Variants in DLC1 observed in about 807,000 individuals in gnomAD.
DLC1 encodes DLC1 Rho GTPase activating protein.
DLC1 carries 54 observed loss-of-function variants against 140.3 expected under a neutral mutation model. The observed-to-expected ratio is 0.38, with a 90% CI of 0.31 to 0.48. The LOEUF (loss-of-function observed/expected upper bound fraction) is 0.48. DLC1 is among the 20% of genes least tolerant of loss of function. The pLI, the probability that DLC1 is intolerant of heterozygous loss-of-function variation, is 0.96. For missense variants in DLC1, 2,536 were observed against 1,907.0 expected (o/e 1.33, Z -6.14); for synonymous variants, 986 against 728.1 (o/e 1.35, Z -5.70).
chr8:13,550,636 A>G (rs534651349), intron 1 of DLC1, among the ~76,000 whole-genome samples: 114 of 152,302 alleles, frequency 7.5e-4, no homozygotes, highest in African/African-American at 2.6e-3. Context: ...AAAACAAAAT[A>G]TCATTATGTA....
At chr8:13,528,125 A>C (rs919277791) in intron 1 of DLC1, among the ~76,000 whole-genome samples, 1 of 152,130 alleles carries the variant, frequency 6.6e-6, no homozygotes, top group African/African-American at 2.4e-5. Context: ...ATAAGAATCA[A>C]GGAATACAAC....
intron 5 of DLC1, among the ~76,000 whole-genome samples, chr8:13,296,930 A>G (rs1234387253): frequency 4.6e-5 from 7 of 152,036 alleles, no homozygotes; most frequent in Admixed American, 3.9e-4. Flanking sequence ...AATATAATTG[A>G]GAGGAAAAGA....
chr8:13,143,389 TAAAC>T (rs1391104764), intron 5 of DLC1, among the ~76,000 whole-genome samples: 1 of 152,204 alleles, frequency 6.6e-6, no homozygotes, highest in Non-Finnish European at 1.5e-5. Context: ...TGACTTTTAA[TAAAC>T]AAAATATGAC....
At chr8:13,202,929 C>T (rs1250857637) in intron 5 of DLC1, among the ~76,000 whole-genome samples, 4 of 152,148 alleles carry the variant, frequency 2.6e-5, no homozygotes, top group Non-Finnish European at 4.4e-5. Context: ...CCGCCTCAGC[C>T]TCCCAAAATG....
chr8:13,427,398 C>G (rs1838641425), intron 2 of DLC1, among the ~76,000 whole-genome samples: 1 of 152,204 alleles, frequency 6.6e-6, no homozygotes, highest in African/African-American at 2.4e-5. Context: ...TTCTCCTTTC[C>G]TTGACCCTGC....
At chr8:13,179,438 T>C (rs1289438233) in intron 5 of DLC1, among the ~76,000 whole-genome samples, 2 of 152,194 alleles carry the variant, frequency 1.3e-5, no homozygotes, top group African/African-American at 2.4e-5. Context: ...AAAGAATTAA[T>C]GGCTGATTGC....
intron 1 of DLC1, among the ~76,000 whole-genome samples, chr8:13,549,349 C>T (rs1274679632): frequency 6.6e-6 from 1 of 151,856 alleles, no homozygotes; most frequent in Non-Finnish European, 1.5e-5. Flanking sequence ...GCTCATTATC[C>T]CAAGGAAAAC....
chr8:13,457,763 A>G (rs1799475937), intron 2 of DLC1, among the ~76,000 whole-genome samples: 1 of 151,800 alleles, frequency 6.6e-6, no homozygotes, highest in African/African-American at 2.4e-5. Context: ...CAATGATGCA[A>G]TTTAGCAGCC....
At chr8:13,488,226 A>G (rs765366860) in intron 2 of DLC1, among the ~76,000 whole-genome samples, 1 of 152,220 alleles carries the variant, frequency 6.6e-6, no homozygotes, top group Non-Finnish European at 1.5e-5. Flanking sequence ...GGAATTGAGA[A>G]TTAGTGGGAA....
At chr8:13,263,343 AG>A (rs1830542418) in intron 5 of DLC1, among the ~76,000 whole-genome samples, 1 of 152,058 alleles carries the variant, frequency 6.6e-6, no homozygotes, top group Admixed American at 6.6e-5. Context: ...TCCTATCCTC[AG>A]CACCTACCTC....
intron 2 of DLC1, among the ~76,000 whole-genome samples, chr8:13,435,006 A>T (rs915782253): frequency 6.6e-6 from 1 of 152,098 alleles, no homozygotes; most frequent in African/African-American, 2.4e-5. Flanking sequence ...TAAGAAATAC[A>T]TTTTGTAAGG....
chr8:13,269,839 C>T (rs1019322421), intron 5 of DLC1, among the ~76,000 whole-genome samples: 13 of 150,590 alleles, frequency 8.6e-5, no homozygotes, highest in African/African-American at 7.3e-5. Flanking sequence ...AGGCGGATCA[C>T]GAGGTCGGGA....
At chr8:13,144,359 G>A (rs1019402777) in intron 5 of DLC1, among the ~76,000 whole-genome samples, 1 of 152,182 alleles carries the variant, frequency 6.6e-6, no homozygotes, top group African/African-American at 2.4e-5. Flanking sequence ...TTGGTTCTGA[G>A]GTTCTGGACT....
chr8:13,512,608 C>T (rs1196228699), intron 1 of DLC1, among the ~76,000 whole-genome samples: 1 of 152,008 alleles, frequency 6.6e-6, no homozygotes, highest in Non-Finnish European at 1.5e-5. Context: ...CCACATAGAA[C>T]TTGAAATAAG....
At chr8:13,405,541 C>G (rs2117269541) in intron 2 of DLC1, among the ~76,000 whole-genome samples, 1 of 152,288 alleles carries the variant, frequency 6.6e-6, no homozygotes, top group African/African-American at 2.4e-5. Context: ...TTAAAATCCA[C>G]TGGTAAAGTC....
rs1244110763 is a variant in DLC1, at chr8:13,441,625, T to G, written c.1024-40006A>C. Among the ~76,000 whole-genome samples the G allele has an allele frequency of 2.6e-5, 4 of 151,976 alleles. No individual in the cohort carries two copies. The East Asian group carries it at 7.7e-4, about 29-fold the overall frequency. ...CCATTCACAATTGCTTCAAAGGGAA[T>G]AAAATACCTAGGAATCCAACTTACA... is the stretch of plus-strand genomic sequence containing the variant. On this transcript the variant is annotated intron_variant, in intron 2 of 17. Coordinates refer to ENST00000276297, the MANE Select transcript of DLC1 (RefSeq NM_182643.3).
chr8:13,475,646 T>C (rs1800402569), intron 2 of DLC1, among the ~76,000 whole-genome samples: 1 of 152,202 alleles, frequency 6.6e-6, no homozygotes, highest in Non-Finnish European at 1.5e-5. Context: ...CAGAGGAGAT[T>C]CCTCAGTGTA....
At chr8:13,141,530 G>A (rs144368917) in intron 5 of DLC1, among the ~76,000 whole-genome samples, 45 of 152,216 alleles carry the variant, frequency 3.0e-4, no homozygotes, top group African/African-American at 1.1e-3. Context: ...TTCCACTAAG[G>A]AGACGTTTTG....
rs143733431 is a variant in DLC1, at chr8:13,095,146, T to A, written c.3267A>T (p.Gln1089His). Residue 1089 changes from glutamine (Q) to histidine (H), a missense_variant, in exon 11 of 18, where the codon CAA becomes CAT. Gln to His is a conservative substitution (Grantham distance 24, BLOSUM62 0). Transcript: ENST00000276297. ...PLTVNVQRTG[Q>H]PLPQSIQQAM... is the part of the protein sequence containing the mutation. The stretch of plus-strand genomic sequence containing the variant: ...CCTGCTGGATGCTCTGAGGCAACGG[T>A]TGTCCTGTGCGCTGCACGTTGACCG... 1 of 1,614,276 alleles carries A rather than the reference T, an allele frequency of 6.2e-7. No homozygotes were observed. The highest frequency in any genetic ancestry group is 1.6e-4 in the Middle Eastern group (1 of 6,062).
Sources: gnomAD v4.1 joint callset for allele counts (sites outside exome capture counted in the v4.1 genomes callset) on GRCh38, gnomAD v4.1.1 for gene constraint, MANE v1.5 for transcripts, NCBI Gene and HGNC (gene_info 2026-07-23, HGNC 2026-07-21) for gene names.